ELMO1: variants seen among roughly 807,000 people sequenced by gnomAD.
The protein encoded by ELMO1 is engulfment and cell motility 1.
Under a neutral mutation model 98.9 loss-of-function variants are expected in ELMO1, and 26 were observed. The ratio of observed to expected loss-of-function variants is 0.26; its 90% CI spans 0.19 to 0.36. The LOEUF (loss-of-function observed/expected upper bound fraction) is 0.36. ELMO1 is among the 10% of genes least tolerant of loss of function. ELMO1 has a pLI of 1.00. For synonymous variants in ELMO1, 346 were observed against 346.0 expected (o/e 1.00, Z 0.00); for missense variants, 627 against 935.2 (o/e 0.67, Z 4.30).
chr7:36,865,130 T>C (rs1802932600), intron 20 of ELMO1, among the ~76,000 whole-genome samples: 1 of 152,180 alleles, frequency 6.6e-6, no homozygotes, highest in Non-Finnish European at 1.5e-5. Flanking sequence ...ATATTTTCAG[T>C]GTGCAGTGTT....
chr7:36,921,725 G>T (rs894048748), intron 16 of ELMO1, among the ~76,000 whole-genome samples: 1 of 152,174 alleles, frequency 6.6e-6, no homozygotes, highest in Non-Finnish European at 1.5e-5. Context: ...CTTCAGTGAA[G>T]AAAGTGCTAG....
chr7:37,317,336 G>T (rs376094414), intron 2 of ELMO1, among the ~76,000 whole-genome samples: 7 of 152,206 alleles, frequency 4.6e-5, no homozygotes, highest in African/African-American at 1.7e-4. Context: ...GTGTGCAGAA[G>T]AATGTCTGTC....
intron 1 of ELMO1, among the ~76,000 whole-genome samples, chr7:37,427,125 T>G (rs1804743530): frequency 6.6e-6 from 1 of 152,144 alleles, no homozygotes; most frequent in East Asian, 1.9e-4. Flanking sequence ...GAAACGAGAT[T>G]CAAATCTAGT....
At chr7:37,097,629 A>AGAAC (rs1484979309) in intron 14 of ELMO1, among the ~76,000 whole-genome samples, 1 of 152,086 alleles carries the variant, frequency 6.6e-6, no homozygotes, top group African/African-American at 2.4e-5. Context: ...AAAGAAAGAA[A>AGAAC]GAAAGAAAAA....
At chr7:36,985,558 A>G (rs996125549) in intron 16 of ELMO1, among the ~76,000 whole-genome samples, 21 of 152,164 alleles carry the variant, frequency 1.4e-4, no homozygotes, top group African/African-American at 5.1e-4. Flanking sequence ...CCGTGCCTGC[A>G]CCTTTTTCTC....
chr7:37,191,262 T>C (rs1791559555), intron 13 of ELMO1, among the ~76,000 whole-genome samples: 1 of 152,028 alleles, frequency 6.6e-6, no homozygotes, highest in African/African-American at 2.4e-5. Flanking sequence ...AACAATGTTT[T>C]ATTTACATAT....
intron 1 of ELMO1, among the ~76,000 whole-genome samples, chr7:37,345,276 G>C (rs1315741079): frequency 6.6e-6 from 1 of 152,108 alleles, no homozygotes; most frequent in African/African-American, 2.4e-5. Context: ...AGCAAATCTG[G>C]GATATAGCAA....
At chr7:37,433,040 G>A (rs1225773044) in intron 1 of ELMO1, among the ~76,000 whole-genome samples, 1 of 152,202 alleles carries the variant, frequency 6.6e-6, no homozygotes, top group East Asian at 1.9e-4. Flanking sequence ...TTGCCTCCTA[G>A]GGTTAGGGCA....
chr7:37,335,210 A>G (rs193264963), intron 2 of ELMO1, among the ~76,000 whole-genome samples: 1 of 152,390 alleles, frequency 6.6e-6, no homozygotes, highest in East Asian at 1.9e-4. Context: ...AGACTGCATT[A>G]TAATGCGATC....
Position 36,853,068 on chromosome 7 carries a change from G to A in ELMO1, c.*2483C>T, listed in dbSNP as rs569630520. On this transcript the variant is annotated 3_prime_UTR_variant, in exon 22 of 22. Transcript: ENST00000310758. ...AACAGGAGATGAGTTGGAGGTGGTA[G>A]GCTCATTGCATGGGAAAAAAAGCCT... Among the ~76,000 whole-genome samples, 174 of 152,254 alleles carry A rather than the reference G, an allele frequency of 1.1e-3. No homozygotes were observed. The highest frequency in any genetic ancestry group is 2.2e-3 in the Non-Finnish European group (151 of 68,014).
At chr7:37,024,908 A>G (rs2129181704) in intron 15 of ELMO1, among the ~76,000 whole-genome samples, 1 of 152,324 alleles carries the variant, frequency 6.6e-6, no homozygotes, top group Non-Finnish European at 1.5e-5. Flanking sequence ...AGAAAGTTAT[A>G]GAGCAGCATT....
intron 16 of ELMO1, among the ~76,000 whole-genome samples, chr7:36,910,438 G>A (rs182408421): frequency 1.8e-3 from 271 of 152,296 alleles, no homozygotes; most frequent in Admixed American, 5.3e-3. Context: ...TGCAGGATGG[G>A]TATAATCTCA....
At chr7:37,176,011 C>T (rs1266989223) in intron 13 of ELMO1, among the ~76,000 whole-genome samples, 1 of 152,148 alleles carries the variant, frequency 6.6e-6, no homozygotes, top group Non-Finnish European at 1.5e-5. Flanking sequence ...AGATTAGACA[C>T]AAGAAAGAAC....
chr7:37,159,516 C>T (rs1789047047), intron 13 of ELMO1, among the ~76,000 whole-genome samples: 1 of 152,098 alleles, frequency 6.6e-6, no homozygotes, highest in Admixed American at 6.5e-5. Flanking sequence ...GCCTGGCCAA[C>T]ATGGCAAAAC....
intron 1 of ELMO1, among the ~76,000 whole-genome samples, chr7:37,343,582 A>G (rs561896998): frequency 9.3e-5 from 14 of 149,906 alleles, no homozygotes; most frequent in African/African-American, 3.2e-4. Flanking sequence ...CTTGAGTCCA[A>G]GCAATTCTCC....
chr7:37,225,060 G>C, intron 8 of ELMO1, 30 bp from the exon 9 acceptor site: 1 of 1,613,582 alleles, frequency 6.2e-7, no homozygotes, highest in African/African-American at 1.3e-5. Context: ...ACAATTGACT[G>C]CTCGTGGTAA....
chr7:37,416,854 G>A (rs147142948), intron 1 of ELMO1, among the ~76,000 whole-genome samples: 1 of 152,296 alleles, frequency 6.6e-6, no homozygotes, highest in East Asian at 1.9e-4. Context: ...TTTGTGTGCA[G>A]GTGAGTCAGA....
chr7:37,054,124 A>G (rs554933006), intron 15 of ELMO1, among the ~76,000 whole-genome samples: 160 of 152,352 alleles, frequency 1.1e-3, no homozygotes, highest in Middle Eastern at 0.01. Flanking sequence ...TAAATCCAAG[A>G]TACACTATAT....
chr7:37,202,001 C>G (rs913212208), intron 13 of ELMO1, among the ~76,000 whole-genome samples: 1 of 152,168 alleles, frequency 6.6e-6, no homozygotes, highest in Non-Finnish European at 1.5e-5. Flanking sequence ...TTACCCATGT[C>G]CCCCAAGGAT....
Sources: gnomAD v4.1 joint callset for allele counts (sites outside exome capture counted in the v4.1 genomes callset) on GRCh38, gnomAD v4.1.1 for gene constraint, MANE v1.5 for transcripts, NCBI Gene and HGNC (gene_info 2026-07-23, HGNC 2026-07-21) for gene names.